The following PAK5 variants were observed in gnomAD, a reference collection of about 807,000 sequenced individuals.
The protein encoded by PAK5 is serine/threonine-protein kinase PAK 5.
Under a neutral mutation model 65.9 loss-of-function variants are expected in PAK5, and 16 were observed. The observed-to-expected ratio is 0.24, with a 90% CI of 0.16 to 0.37. The LOEUF is 0.37. Among genes scored for constraint, PAK5 ranks in the 10% least tolerant of loss-of-function variants. PAK5 has a pLI of 1.00. For missense variants in PAK5, 785 were observed against 903.9 expected (o/e 0.87, Z 1.69); for synonymous variants, 371 against 354.9 (o/e 1.05, Z -0.51).
At chr20:9,651,514 C>T (rs2047202989) in intron 2 of PAK5, among the ~76,000 whole-genome samples, 1 of 152,146 alleles carries the variant, frequency 6.6e-6, no homozygotes, top group East Asian at 1.9e-4. Context: ...TGTGTCCCAC[C>T]CATGGCAACA....
intron 6 of PAK5, among the ~76,000 whole-genome samples, chr20:9,558,546 C>T (rs1468689697): frequency 6.6e-6 from 1 of 152,128 alleles, no homozygotes; most frequent in Non-Finnish European, 1.5e-5. Flanking sequence ...CCTTTAACTT[C>T]CTTGGGTCTT....
intron 2 of PAK5, among the ~76,000 whole-genome samples, chr20:9,696,446 T>C (rs574544043): frequency 3.2e-4 from 48 of 152,210 alleles, no homozygotes; most frequent in Admixed American, 5.9e-4. Context: ...ACATTGTAAA[T>C]ATACTGTCTT....
intron 1 of PAK5, among the ~76,000 whole-genome samples, chr20:9,724,921 A>G (rs2048258860): frequency 6.6e-6 from 1 of 152,232 alleles, no homozygotes; most frequent in Admixed American, 6.5e-5. Flanking sequence ...CGAAACACAA[A>G]GGATAAATGC....
chr20:9,550,162 T>C (rs956731517), intron 7 of PAK5, among the ~76,000 whole-genome samples: 13 of 151,652 alleles, frequency 8.6e-5, no homozygotes, highest in Non-Finnish European at 1.8e-4. Flanking sequence ...TGTGCAGGGG[T>C]TCGGAAGTTC....
chr20:9,602,605 T>C (rs2046381990), intron 3 of PAK5, among the ~76,000 whole-genome samples: 1 of 152,236 alleles, frequency 6.6e-6, no homozygotes, highest in South Asian at 2.1e-4. Flanking sequence ...CATTTTGCAC[T>C]GCAGGACTTT....
chr20:9,549,884 A>G (rs538393967), intron 7 of PAK5, among the ~76,000 whole-genome samples: 2 of 152,100 alleles, frequency 1.3e-5, no homozygotes, highest in Non-Finnish European at 2.9e-5. Context: ...TTTCCCCTCC[A>G]GCTCACTTTT....
intron 1 of PAK5, among the ~76,000 whole-genome samples, chr20:9,721,180 G>A (rs1353741833): frequency 6.6e-6 from 1 of 152,066 alleles, no homozygotes; most frequent in East Asian, 1.9e-4. Context: ...TGCCAAAGAC[G>A]TCTCTCTGTG....
chr20:9,763,875 C>T (rs1569077876), intron 1 of PAK5, among the ~76,000 whole-genome samples: 1 of 152,116 alleles, frequency 6.6e-6, no homozygotes, highest in Non-Finnish European at 1.5e-5. Context: ...TATACTTAAA[C>T]ACACATACAC....
intron 1 of PAK5, among the ~76,000 whole-genome samples, chr20:9,757,236 A>AC (rs560909246): frequency 3.6e-4 from 22 of 61,478 alleles, no homozygotes; most frequent in Middle Eastern, 7.6e-3. Context: ...ATGAAAAAAA[A>AC]ACTATTACAT....
At chr20:9,627,708 C>A (rs891907598) in intron 3 of PAK5, among the ~76,000 whole-genome samples, 1 of 152,042 alleles carries the variant, frequency 6.6e-6, no homozygotes, top group Non-Finnish European at 1.5e-5. Flanking sequence ...CTTACTGCAA[C>A]CTCCGCCTCC....
In PAK5 at chr20:9,621,784, C is replaced by T. The variant is rs568466709; in HGVS notation, c.204+22341G>A. 3.3e-5 allele frequency among the ~76,000 whole-genome samples: 5 copies of T among 152,232 alleles called. No individual in the cohort carries two copies. The East Asian group carries it at 5.8e-4, about 18-fold the overall frequency. The stretch of plus-strand genomic sequence containing the variant: ...TCACAGCCTCATGCAGCGGGGCCTG[C>T]GGTGTTATGCCTTTCTTTGGGGATG... On this transcript the variant is annotated intron_variant, in intron 3 of 9. Coordinates refer to ENST00000353224, the MANE Select transcript of PAK5 (RefSeq NM_177990.4).
intron 1 of PAK5, among the ~76,000 whole-genome samples, chr20:9,810,233 C>A (rs2049282911): frequency 6.6e-6 from 1 of 152,082 alleles, no homozygotes; most frequent in Non-Finnish European, 1.5e-5. Context: ...CAAAGGTGAC[C>A]CCAGCATGCG....
intron 4 of PAK5, among the ~76,000 whole-genome samples, chr20:9,579,413 T>G (rs1285069439): frequency 6.6e-6 from 1 of 152,228 alleles, no homozygotes; most frequent in Non-Finnish European, 1.5e-5. Context: ...GCTTTTAGTT[T>G]CAGTAACTTC....
intron 1 of PAK5, among the ~76,000 whole-genome samples, chr20:9,834,124 G>T (rs367566185): frequency 1.3e-5 from 2 of 151,980 alleles, no homozygotes; most frequent in East Asian, 1.9e-4. Flanking sequence ...CTAATTTTTG[G>T]TTACTTACAT....
chr20:9,655,648 T>C (rs6086976), intron 2 of PAK5, among the ~76,000 whole-genome samples: 22,282 of 152,220 alleles, frequency 0.15, 2,139 homozygotes, highest in South Asian at 0.37. Context: ...GTATCTATCA[T>C]TCTGCATAAA....
At chr20:9,769,017 A>G (rs929612627) in intron 1 of PAK5, among the ~76,000 whole-genome samples, 1 of 152,212 alleles carries the variant, frequency 6.6e-6, no homozygotes, top group African/African-American at 2.4e-5. Flanking sequence ...AAGATCAAGG[A>G]CTATGCCTCC....
chr20:9,699,553 G>GTT (rs34450464), intron 2 of PAK5, among the ~76,000 whole-genome samples: 4 of 138,780 alleles, frequency 2.9e-5, no homozygotes, highest in Middle Eastern at 3.8e-3. Context: ...TTTGCTTCTT[G>GTT]TTTTTTTTTT....
chr20:9,829,341 C>T (rs1012964530), intron 1 of PAK5, among the ~76,000 whole-genome samples: 5 of 152,266 alleles, frequency 3.3e-5, no homozygotes, highest in East Asian at 1.9e-4. Context: ...TCAAGGACCT[C>T]AGATAAAACT....
chr20:9,709,309 T>C (rs1413155808), intron 2 of PAK5, among the ~76,000 whole-genome samples: 3 of 152,152 alleles, frequency 2.0e-5, no homozygotes, highest in African/African-American at 7.2e-5. Flanking sequence ...CTTATGTTGA[T>C]GGGCACCTGG....
Sources: gnomAD v4.1 joint callset for allele counts (sites outside exome capture counted in the v4.1 genomes callset) on GRCh38, gnomAD v4.1.1 for gene constraint, MANE v1.5 for transcripts, NCBI Gene and HGNC (gene_info 2026-07-23, HGNC 2026-07-21) for gene names.